Variants in PLEKHG1 observed in about 807,000 individuals in gnomAD.
PLEKHG1 encodes the protein pleckstrin homology domain-containing family G member 1.
In PLEKHG1, 44 loss-of-function variants were observed where a neutral mutation model predicts 100.8. The ratio of observed to expected loss-of-function variants is 0.44; its 90% confidence interval spans 0.34 to 0.56. The LOEUF (loss-of-function observed/expected upper bound fraction) is 0.56. Ranked by LOEUF, PLEKHG1 falls within the 20% of genes least tolerant of loss-of-function variation. The pLI is 0.01. For synonymous variants in PLEKHG1, 640 were observed against 662.5 expected (o/e 0.97, Z 0.52); for missense variants, 1,545 against 1,720.9 (o/e 0.90, Z 1.81).
chr6:150,660,480 C>A (rs1779142490), intron 3 of PLEKHG1, among the ~76,000 whole-genome samples: 1 of 152,156 alleles, frequency 6.6e-6, no homozygotes, highest in Non-Finnish European at 1.5e-5. Flanking sequence ...ATAAATAATT[C>A]TTCTCTCCTC....
intron 3 of PLEKHG1, among the ~76,000 whole-genome samples, chr6:150,674,359 A>T (rs1449189252): frequency 1.3e-5 from 2 of 152,186 alleles, no homozygotes; most frequent in Non-Finnish European, 2.9e-5. Flanking sequence ...TCATCTCTTA[A>T]GGAATTTGGA....
chr6:150,644,899 C>A (rs2128570572), intron 2 of PLEKHG1, among the ~76,000 whole-genome samples: 1 of 151,992 alleles, frequency 6.6e-6, no homozygotes, highest in South Asian at 2.1e-4. Context: ...TAGACAATAT[C>A]ATTATTATAA....
At chr6:150,627,307 ATGAG>A (rs1777548869) in intron 1 of PLEKHG1, among the ~76,000 whole-genome samples, 1 of 152,220 alleles carries the variant, frequency 6.6e-6, no homozygotes, top group Non-Finnish European at 1.5e-5. Flanking sequence ...AAATATACTT[ATGAG>A]TGACTCAAAA....
chr6:150,702,557 G>GGGGT (rs1554261632), intron 3 of PLEKHG1, among the ~76,000 whole-genome samples: 7 of 142,830 alleles, frequency 4.9e-5, no homozygotes, highest in African/African-American at 1.6e-4. Flanking sequence ...TTTGTTTTGG[G>GGGGT]GTGTGTGTGT....
intron 3 of PLEKHG1, among the ~76,000 whole-genome samples, chr6:150,693,365 T>C (rs1780419289): frequency 6.6e-6 from 1 of 152,194 alleles, no homozygotes; most frequent in African/African-American, 2.4e-5. Context: ...AAGTCGCTTC[T>C]CAACTTTTGG....
At chr6:150,668,153 C>T (rs746779062) in intron 3 of PLEKHG1, among the ~76,000 whole-genome samples, 1 of 152,170 alleles carries the variant, frequency 6.6e-6, no homozygotes, top group East Asian at 1.9e-4. Flanking sequence ...CCACACATAG[C>T]CTGAAGTGAG....
At chr6:150,783,690 G>A (rs1785453034) in intron 3 of PLEKHG1, among the ~76,000 whole-genome samples, 1 of 152,156 alleles carries the variant, frequency 6.6e-6, no homozygotes, top group African/African-American at 2.4e-5. Context: ...ATTCTCAAGT[G>A]TTTTGGTCCA....
At chr6:150,638,648 TA>T (rs1208915262) in intron 2 of PLEKHG1, among the ~76,000 whole-genome samples, 4 of 152,198 alleles carry the variant, frequency 2.6e-5, no homozygotes, top group African/African-American at 9.6e-5. Context: ...CCTTGCCAGG[TA>T]CCCCTTGTGT....
At chr6:150,798,858 A>G (rs1786521916) in intron 5 of PLEKHG1, among the ~76,000 whole-genome samples, 1 of 152,172 alleles carries the variant, frequency 6.6e-6, no homozygotes, top group African/African-American at 2.4e-5. Flanking sequence ...CTCTTGTCTC[A>G]GCCTCCCAAG....
intron 7 of PLEKHG1, among the ~76,000 whole-genome samples, chr6:150,807,883 C>A (rs189999485): frequency 8.9e-4 from 135 of 152,166 alleles, no homozygotes; most frequent in African/African-American, 3.2e-3. Context: ...GCAGGAGAAT[C>A]GCTTGAACCC....
At chr6:150,724,558 C>CTTTTTTTTTTTTTTTTTTTT (rs34140367) in intron 1 of PLEKHG1, among the ~76,000 whole-genome samples, 11 of 100,472 alleles carry the variant, frequency 1.1e-4, no homozygotes, top group East Asian at 2.8e-4. Flanking sequence ...TTTTCTTTTT[C>CTTTTTTTTTTTTTTTTTTTT]TTTTTTTTTT....
At chr6:150,806,324 C>T (rs1400026358) in intron 7 of PLEKHG1, among the ~76,000 whole-genome samples, 1 of 143,718 alleles carries the variant, frequency 7.0e-6, no homozygotes, top group Non-Finnish European at 1.5e-5. Context: ...TGAATACAGT[C>T]ATCCCCCCTA....
At chr6:150,732,760 G>A (rs1277710798) in intron 1 of PLEKHG1, among the ~76,000 whole-genome samples, 2 of 152,168 alleles carry the variant, frequency 1.3e-5, no homozygotes, top group East Asian at 1.9e-4. Context: ...TAATTTTTGT[G>A]TTTTTTAGTA....
intron 3 of PLEKHG1, among the ~76,000 whole-genome samples, chr6:150,673,273 G>A (rs1779636268): frequency 6.6e-6 from 1 of 152,052 alleles, no homozygotes; most frequent in South Asian, 2.1e-4. Flanking sequence ...AGATTTTTCT[G>A]TCTTCAAGCA....
At chr6:150,815,358 ATG>A (rs952024798) in intron 10 of PLEKHG1, among the ~76,000 whole-genome samples, 1 of 152,230 alleles carries the variant, frequency 6.6e-6, no homozygotes, top group African/African-American at 2.4e-5. Context: ...TAAAAATTAA[ATG>A]TCCAGACAAA....
Position 150,777,097 on chromosome 6 carries a change from G to A in PLEKHG1, c.512+8359G>A, listed in dbSNP as rs556468620. ...TGATGCAATCCTGGTGCACATGTGC[G>A]GTTGCACATCAGTCACACTGATGCA... On this transcript the variant is annotated intron_variant, in intron 3 of 15. Transcript: ENST00000358517. 4.0e-3 allele frequency among the ~76,000 whole-genome samples: 602 copies of A among 149,908 alleles called. 2 individuals are homozygous for A. The highest frequency in any genetic ancestry group is 0.013 in the African/African-American group (532 of 40,680).
chr6:150,830,529 T>C, intron 14 of PLEKHG1, 53 bp from the exon 16 acceptor site: 3 of 1,306,304 alleles, frequency 2.3e-6, no homozygotes, highest in South Asian at 1.4e-5. Flanking sequence ...TCCTGAGTTA[T>C]GTGTCTTCTC....
At chr6:150,611,667 C>T (rs961354983) in intron 1 of PLEKHG1, among the ~76,000 whole-genome samples, 2 of 151,998 alleles carry the variant, frequency 1.3e-5, no homozygotes, top group African/African-American at 2.4e-5. Context: ...CAAAAATTAG[C>T]CGGGCATGGT....
chr6:150,623,388 T>G (rs967484219), intron 1 of PLEKHG1, among the ~76,000 whole-genome samples: 13 of 152,230 alleles, frequency 8.5e-5, no homozygotes, highest in Non-Finnish European at 1.2e-4. Flanking sequence ...ATCAGCACCC[T>G]TTTAACGGGC....
Sources: allele counts gnomAD v4.1 joint callset (sites outside exome capture counted in the v4.1 genomes callset), GRCh38; gene constraint gnomAD v4.1.1; transcripts MANE v1.5; gene names NCBI Gene and HGNC (gene_info 2026-07-23, HGNC 2026-07-21).